Variants in RPSA2 observed in about 807,000 individuals in gnomAD.
The protein encoded by RPSA2 is small ribosomal subunit protein uS2B.
chr19:23,852,622 C>T, the RPSA2 span, among the ~76,000 whole-genome samples: 11 of 9,864 alleles, frequency 1.1e-3, no homozygotes, highest in African/African-American at 8.3e-4. Flanking sequence ...AGCGATTTTC[C>T]GCCTGGGTGG....
chr19:23,855,024 C>T, the RPSA2 span, among the ~76,000 whole-genome samples: 3 of 152,134 alleles, frequency 2.0e-5, no homozygotes, highest in Admixed American at 6.5e-5. Context: ...ACCAAAAAAT[C>T]AGGATATAAT....
the RPSA2 span, among the ~76,000 whole-genome samples, chr19:23,830,168 C>T: frequency 2.2e-3 from 334 of 151,872 alleles, no homozygotes; most frequent in Non-Finnish European, 3.9e-3. Flanking sequence ...TGAGACTAAA[C>T]GTCTCTCTAT....
At chr19:23,814,670 C>T in the RPSA2 span, among the ~76,000 whole-genome samples, 18 of 152,290 alleles carry the variant, frequency 1.2e-4, no homozygotes, top group East Asian at 2.9e-3. Context: ...GTTGTATTGA[C>T]ATCTTTGAAA....
the RPSA2 span, among the ~76,000 whole-genome samples, chr19:23,842,168 A>G: frequency 6.6e-6 from 1 of 152,224 alleles, no homozygotes; most frequent in African/African-American, 2.4e-5. Context: ...TCTCCAGGTT[A>G]TTGATGTATG....
At chr19:23,798,061 A>ATT in the RPSA2 span, among the ~76,000 whole-genome samples, 9 of 149,558 alleles carry the variant, frequency 6.0e-5, no homozygotes, top group African/African-American at 2.2e-4. Context: ...TTATGTATTT[A>ATT]TTTTTTTTTT....
chr19:23,790,790 C>T, the RPSA2 span: 4 of 530,056 alleles, frequency 7.5e-6, no homozygotes, highest in African/African-American at 8.1e-5. Flanking sequence ...ATTGCCAGTT[C>T]CGACATCTGG....
At chr19:23,790,093 G>A in the RPSA2 span, among the ~76,000 whole-genome samples, 3 of 151,838 alleles carry the variant, frequency 2.0e-5, no homozygotes, top group African/African-American at 4.8e-5. Flanking sequence ...TCTACCTCCC[G>A]GGTTGAAGCA....
At chr19:23,806,156 T>C in the RPSA2 span, among the ~76,000 whole-genome samples, 1 of 151,214 alleles carries the variant, frequency 6.6e-6, no homozygotes, top group Non-Finnish European at 1.5e-5. Context: ...GCAATTCTCC[T>C]GCCTCAGCTT....
At chr19:23,848,504 T>TC in the RPSA2 span, among the ~76,000 whole-genome samples, 148,902 of 152,234 alleles carry the variant, frequency 0.98, 72,915 homozygotes, top group Middle Eastern at 1. Flanking sequence ...ATCTAATGTA[T>TC]AACTCCAGGC....
the RPSA2 span, among the ~76,000 whole-genome samples, chr19:23,841,715 G>A: frequency 6.6e-6 from 1 of 151,454 alleles, no homozygotes; most frequent in Non-Finnish European, 1.5e-5. Flanking sequence ...CTGTGTACAG[G>A]GTGAGCAGCT....
the RPSA2 span, among the ~76,000 whole-genome samples, chr19:23,807,452 A>G: frequency 6.6e-6 from 1 of 152,238 alleles, no homozygotes; most frequent in Non-Finnish European, 1.5e-5. Flanking sequence ...CTAAGTCAAC[A>G]TGTCTATTTT....
At chr19:23,826,422 A>G in the RPSA2 span, among the ~76,000 whole-genome samples, 1 of 151,906 alleles carries the variant, frequency 6.6e-6, no homozygotes, top group Non-Finnish European at 1.5e-5. Context: ...CAAACTCCTG[A>G]CCTTAGGTAA....
chr19:23,851,237 C>G, the RPSA2 span, among the ~76,000 whole-genome samples: 1 of 152,142 alleles, frequency 6.6e-6, no homozygotes, highest in African/African-American at 2.4e-5. Flanking sequence ...GGGATTAATA[C>G]CAGGTTCCTG....
the RPSA2 span, among the ~76,000 whole-genome samples, chr19:23,838,738 G>C: frequency 1.6e-5 from 2 of 122,450 alleles, no homozygotes; most frequent in South Asian, 3.2e-4. Context: ...TGTGTGTAAA[G>C]GTGTTCTTAG....
chr19:23,870,033 T>G, the RPSA2 span, among the ~76,000 whole-genome samples: 3 of 152,198 alleles, frequency 2.0e-5, no homozygotes, highest in Non-Finnish European at 4.4e-5. Context: ...GATATTTGGG[T>G]CACATTCCTG....
the RPSA2 span, among the ~76,000 whole-genome samples, chr19:23,762,268 C>T: frequency 6.6e-6 from 1 of 151,942 alleles, no homozygotes; most frequent in Non-Finnish European, 1.5e-5. Context: ...CTCCCACCCC[C>T]GCCTTATTTC....
chr19:23,759,723 T>A, the RPSA2 span, among the ~76,000 whole-genome samples: 1 of 151,496 alleles, frequency 6.6e-6, no homozygotes, highest in African/African-American at 2.4e-5. Context: ...GGGGTTTCAC[T>A]ATGTTGGCCA....
At chr19:23,799,344 A>G in the RPSA2 span, 2 of 152,222 alleles carry the variant, frequency 1.3e-5, no homozygotes, top group African/African-American at 2.4e-5. Context: ...AGCTATCTCT[A>G]TCTGGATGCA....
chr19:23,837,610 ATTTG>A, the RPSA2 span, among the ~76,000 whole-genome samples: 3 of 152,070 alleles, frequency 2.0e-5, no homozygotes, highest in Non-Finnish European at 2.9e-5. Context: ...ATGTGTTTCC[ATTTG>A]TTTGTGTCGT....
Sources: gnomAD v4.1 joint callset for allele counts (sites outside exome capture counted in the v4.1 genomes callset) on GRCh38, gnomAD v4.1.1 for gene constraint, MANE v1.5 for transcripts, NCBI Gene and HGNC (gene_info 2026-07-23, HGNC 2026-07-21) for gene names.